NAALADL2: variants seen among roughly 807,000 people sequenced by gnomAD.
NAALADL2 encodes inactive N-acetylated-alpha-linked acidic dipeptidase-like protein 2.
NAALADL2 carries 76 observed loss-of-function variants against 87.2 expected under a neutral mutation model. The ratio of observed to expected loss-of-function variants is 0.87; its 90% CI spans 0.72 to 1.05. The LOEUF (loss-of-function observed/expected upper bound fraction) is 1.05. NAALADL2 is among the 50% of genes least tolerant of loss of function. The pLI is 0.00. For synonymous variants in NAALADL2, 354 were observed against 331.0 expected (o/e 1.07, Z -0.75); for missense variants, 1,089 against 945.8 (o/e 1.15, Z -1.99).
chr3:175,447,605 C>A (rs1035969720), intron 6 of NAALADL2, among the ~76,000 whole-genome samples: 2 of 152,136 alleles, frequency 1.3e-5, no homozygotes, highest in Non-Finnish European at 2.9e-5. Flanking sequence ...TTTTGAACTG[C>A]TACAAAGAAA....
At chr3:175,321,717 T>C (rs1401685055) in intron 4 of NAALADL2, among the ~76,000 whole-genome samples, 195 of 132,104 alleles carry the variant, frequency 1.5e-3, no homozygotes, top group African/African-American at 5.6e-3. Context: ...AGCCAAATCA[T>C]GAGTGAACTC....
chr3:175,312,622 T>G (rs1168725982), intron 4 of NAALADL2, among the ~76,000 whole-genome samples: 1 of 152,166 alleles, frequency 6.6e-6, no homozygotes, highest in Non-Finnish European at 1.5e-5. Context: ...CATACTTCAG[T>G]GAAAAGATTA....
At chr3:174,629,689 C>G (rs1721921706) in intron 2 of NAALADL2, among the ~76,000 whole-genome samples, 1 of 152,192 alleles carries the variant, frequency 6.6e-6, no homozygotes, top group South Asian at 2.1e-4. Flanking sequence ...ACAAGTGGCT[C>G]CCTTCTGCAG....
At chr3:175,109,989 CTCTT>C (rs1723902158) in intron 2 of NAALADL2, among the ~76,000 whole-genome samples, 1 of 151,822 alleles carries the variant, frequency 6.6e-6, no homozygotes, top group African/African-American at 2.4e-5. Flanking sequence ...TCCTACCTCT[CTCTT>C]TAAAAATATT....
At chr3:174,854,757 A>G (rs1725655823), upstream of NAALADL2, among the ~76,000 whole-genome samples, 1 of 151,962 alleles carries the variant, frequency 6.6e-6, no homozygotes, top group South Asian at 2.1e-4. Flanking sequence ...TAATATATTG[A>G]ATACGTAACA....
chr3:174,760,103 A>C (rs1712717318), intron 3 of NAALADL2, among the ~76,000 whole-genome samples: 1 of 152,068 alleles, frequency 6.6e-6, no homozygotes, highest in Non-Finnish European at 1.5e-5. Flanking sequence ...GCAGGCAGTA[A>C]TTTTCTTCCC....
At chr3:175,093,091 TTAAAA>T (rs1409637821) in intron 1 of NAALADL2, among the ~76,000 whole-genome samples, 2 of 151,808 alleles carry the variant, frequency 1.3e-5, no homozygotes, top group African/African-American at 4.8e-5. Context: ...TGGGGTAATC[TTAAAA>T]TAACATGACA....
intron 11 of NAALADL2, among the ~76,000 whole-genome samples, chr3:175,631,942 A>C (rs1408909826): frequency 6.6e-6 from 1 of 152,116 alleles, no homozygotes; most frequent in Non-Finnish European, 1.5e-5. Flanking sequence ...AGACACTTGC[A>C]ATACCAAAAT....
Position 175,808,875 on chromosome 3 carries a change from CAT to C in NAALADL2, c.*5677_*5678del, listed in dbSNP as rs1405399888. The stretch of plus-strand genomic sequence containing the variant: ...TTAGAGTCCCTATTTTAATGAACTA[CAT>C]ATATTTTTCAATCAAAATGTGTAAT... On this transcript the variant is annotated 3_prime_UTR_variant, in exon 14 of 14. Coordinates refer to ENST00000454872, the MANE Select transcript of NAALADL2 (RefSeq NM_207015.3). 1.3e-5 allele frequency: 2 copies of C among 151,922 alleles called. No homozygotes were observed. Among genetic ancestry groups the C allele is most frequent in the Admixed American group, 1.3e-4 (2 of 15,192 alleles). The allele number at this position is 151,922 out of a possible 1,614,324, so 9.4% of individuals were successfully genotyped here.
At chr3:175,325,406 A>T (rs1159839778) in intron 5 of NAALADL2, among the ~76,000 whole-genome samples, 1 of 152,238 alleles carries the variant, frequency 6.6e-6, no homozygotes, top group Non-Finnish European at 1.5e-5. Flanking sequence ...TGTACTTTGT[A>T]CAGTCCCATG....
chr3:175,370,725 G>A (rs573962331), intron 5 of NAALADL2, among the ~76,000 whole-genome samples: 97 of 152,234 alleles, frequency 6.4e-4, no homozygotes, highest in Non-Finnish European at 1.2e-3. Flanking sequence ...TCCAACATTC[G>A]ATGGTTCTGT....
At chr3:175,131,657 G>A (rs539310150) in intron 2 of NAALADL2, among the ~76,000 whole-genome samples, 116 of 152,254 alleles carry the variant, frequency 7.6e-4, no homozygotes, top group African/African-American at 2.7e-3. Context: ...GAGCTGTTGG[G>A]TACACCTCCC....
chr3:174,819,279 GGTT>G (rs1721162764), intron 3 of NAALADL2, among the ~76,000 whole-genome samples: 2 of 151,382 alleles, frequency 1.3e-5, no homozygotes, highest in Non-Finnish European at 2.9e-5. Context: ...TGCCCAGGCT[GGTT>G]TTGAACTCCT....
chr3:175,667,171 AAGAAAGAAAGAG>A (rs1733141862), intron 11 of NAALADL2, among the ~76,000 whole-genome samples: 4 of 139,252 alleles, frequency 2.9e-5, no homozygotes, highest in African/African-American at 1.1e-4. Flanking sequence ...AAAAGAAAGA[AAGAAAGAAAGAG>A]AAAGAAAGAA....
At chr3:175,317,290 C>G (rs1462839389) in intron 4 of NAALADL2, among the ~76,000 whole-genome samples, 1 of 151,828 alleles carries the variant, frequency 6.6e-6, no homozygotes, top group Non-Finnish European at 1.5e-5. Flanking sequence ...ATTGTACTTA[C>G]CTTTACAGAA....
At chr3:174,533,355 G>C (rs1482299927) in intron 1 of NAALADL2, among the ~76,000 whole-genome samples, 1 of 151,858 alleles carries the variant, frequency 6.6e-6, no homozygotes, top group East Asian at 2.0e-4. Flanking sequence ...TCCTAACATA[G>C]GAAAAGAGAT....
Position 174,726,398 on chromosome 3 carries a change from A to T in NAALADL2, c.-114-11243A>T, listed in dbSNP as rs572744677. Among the ~76,000 whole-genome samples, 353 of 152,274 alleles carry T rather than the reference A, an allele frequency of 2.3e-3. 2 individuals carry two copies. The highest frequency in any genetic ancestry group is 0.012 in the South Asian group (59 of 4,818). ...GTTACACAGTAACACATGGGCATACAACAACCTGTCATTAGTTATAATTCT... is the reference window on the plus strand; with the variant it reads ...GTTACACAGTAACACATGGGCATACTACAACCTGTCATTAGTTATAATTCT... On this transcript the variant is annotated intron_variant, in intron 2 of 3. Coordinates refer to the NAALADL2 transcript ENST00000434257.
At chr3:175,292,621 C>A (rs181040478) in intron 4 of NAALADL2, among the ~76,000 whole-genome samples, 16 of 151,780 alleles carry the variant, frequency 1.1e-4, no homozygotes, top group African/African-American at 3.9e-4. Context: ...CACACACACA[C>A]ACCTGAGGGG....
intron 5 of NAALADL2, among the ~76,000 whole-genome samples, chr3:175,377,287 G>C (rs1349827269): frequency 6.6e-6 from 1 of 152,114 alleles, no homozygotes; most frequent in Non-Finnish European, 1.5e-5. Context: ...ACTCCAGCCT[G>C]GGTGACAGAG....
Sources: allele counts gnomAD v4.1 joint callset (sites outside exome capture counted in the v4.1 genomes callset), GRCh38; gene constraint gnomAD v4.1.1; transcripts MANE v1.5; gene names NCBI Gene and HGNC (gene_info 2026-07-23, HGNC 2026-07-21).